The following KCNH1 variants were observed in gnomAD, a reference collection of about 807,000 sequenced individuals.
KCNH1 encodes the protein voltage-gated delayed rectifier potassium channel KCNH1.
Under a neutral mutation model 69.2 loss-of-function variants are expected in KCNH1, and 27 were observed. That is an observed-to-expected ratio of 0.39 (90% CI 0.29 to 0.54). KCNH1 has a LOEUF of 0.54. Among genes scored for constraint, KCNH1 ranks in the 20% least tolerant of loss-of-function variants. The probability of loss-of-function intolerance (pLI) is 0.68; values close to 1 mark genes in which losing one functional copy is unlikely to be tolerated. For missense variants in KCNH1, 798 were observed against 1,261.6 expected, an observed-to-expected ratio of 0.63 and a Z score of 5.57; for synonymous variants, 456 against 487.7, an observed-to-expected ratio of 0.93 and a Z score of 0.86.
intron 8 of KCNH1, among the ~76,000 whole-genome samples, chr1:210,798,636 G>A (rs1004522249): frequency 3.3e-5 from 5 of 152,040 alleles, no homozygotes; most frequent in African/African-American, 1.2e-4. Flanking sequence ...AAGCTACAGA[G>A]CGATGTTAGA....
chr1:210,823,650 G>A (rs1414544184), intron 7 of KCNH1, among the ~76,000 whole-genome samples: 3 of 152,148 alleles, frequency 2.0e-5, no homozygotes, highest in Admixed American at 2.0e-4. Flanking sequence ...TTTTAAGAGA[G>A]ATTATGTCAT....
chr1:211,075,826 G>C (rs1690722235), intron 5 of KCNH1, among the ~76,000 whole-genome samples: 1 of 152,216 alleles, frequency 6.6e-6, no homozygotes, highest in South Asian at 2.1e-4. Context: ...CCCTTTCCTA[G>C]CCAAGGGAAG....
chr1:210,841,958 C>T (rs1259359255), intron 7 of KCNH1, among the ~76,000 whole-genome samples: 1 of 152,118 alleles, frequency 6.6e-6, no homozygotes, highest in Non-Finnish European at 1.5e-5. Context: ...TTCTGACAAG[C>T]AGGTTTTTAA....
chr1:210,859,000 T>C (rs1237600148), intron 7 of KCNH1: 1 of 439,990 alleles, frequency 2.3e-6, no homozygotes, highest in African/African-American at 2.0e-5. Flanking sequence ...TCTTTTCCAG[T>C]GCCAGGTTGC....
chr1:210,892,745 T>C (rs181801169), intron 7 of KCNH1, among the ~76,000 whole-genome samples: 1 of 152,176 alleles, frequency 6.6e-6, no homozygotes, highest in Non-Finnish European at 1.5e-5. Context: ...AAGTCTTAAT[T>C]GGTCTTGCCT....
At chr1:210,851,246 C>G (rs1685697532) in intron 7 of KCNH1, among the ~76,000 whole-genome samples, 1 of 152,234 alleles carries the variant, frequency 6.6e-6, no homozygotes, top group Admixed American at 6.5e-5. Context: ...TTGTCTCCCT[C>G]AAAGTGTTCT....
chr1:210,988,083 A>T (rs538105493), intron 6 of KCNH1, among the ~76,000 whole-genome samples: 3 of 152,358 alleles, frequency 2.0e-5, no homozygotes, highest in Admixed American at 6.5e-5. Context: ...CCTCTGAGCC[A>T]GGTGCAGGAT....
chr1:210,784,273 A>C (rs1684049847), intron 9 of KCNH1, among the ~76,000 whole-genome samples: 3 of 152,236 alleles, frequency 2.0e-5, no homozygotes, highest in Admixed American at 2.0e-4. Flanking sequence ...GCCATCTCTT[A>C]TCTGTAGTAA....
At chr1:211,005,338 G>A (rs573903553) in intron 6 of KCNH1, among the ~76,000 whole-genome samples, 2 of 152,160 alleles carry the variant, frequency 1.3e-5, no homozygotes, top group Admixed American at 6.5e-5. Flanking sequence ...AAATATTTAA[G>A]GGAGAAATAA....
intron 6 of KCNH1, among the ~76,000 whole-genome samples, chr1:210,986,620 C>T (rs1688840952): frequency 6.6e-6 from 1 of 152,222 alleles, no homozygotes; most frequent in Non-Finnish European, 1.5e-5. Context: ...CCCCCACTCT[C>T]TTCTGGCTTG....
intron 6 of KCNH1, among the ~76,000 whole-genome samples, chr1:210,971,837 A>G (rs754970173): frequency 2.3e-4 from 35 of 152,210 alleles, no homozygotes; most frequent in Admixed American, 4.6e-4. Context: ...CTTCATACTT[A>G]AAGATATATA....
chr1:210,766,263 C>T (rs892431280), intron 10 of KCNH1, among the ~76,000 whole-genome samples: 5 of 151,222 alleles, frequency 3.3e-5, no homozygotes, highest in East Asian at 2.0e-4. Context: ...GGGTAGTTCC[C>T]GCCTGTAATC....
At chr1:210,729,137 A>G (rs1682681262) in intron 10 of KCNH1, among the ~76,000 whole-genome samples, 2 of 152,358 alleles carry the variant, frequency 1.3e-5, no homozygotes, top group South Asian at 4.1e-4. Flanking sequence ...CCTTCAAGCC[A>G]TTCTGCATTT....
At chr1:210,952,730 C>T (rs1344777121) in intron 6 of KCNH1, among the ~76,000 whole-genome samples, 1 of 151,968 alleles carries the variant, frequency 6.6e-6, no homozygotes, top group Non-Finnish European at 1.5e-5. Context: ...GTTCTTACTG[C>T]AAATTAATGG....
chr1:210,922,452 A>T (rs1338456024), intron 6 of KCNH1, among the ~76,000 whole-genome samples: 2 of 151,118 alleles, frequency 1.3e-5, no homozygotes, highest in Non-Finnish European at 2.9e-5. Context: ...AAAACGTTCA[A>T]CAGAAATGAT....
At chr1:210,959,187 G>C (rs1688248153) in intron 6 of KCNH1, among the ~76,000 whole-genome samples, 1 of 152,114 alleles carries the variant, frequency 6.6e-6, no homozygotes, top group South Asian at 2.1e-4. Flanking sequence ...CTGCAGGTCT[G>C]TTGGAGCTTG....
intron 5 of KCNH1, among the ~76,000 whole-genome samples, chr1:211,056,691 C>T (rs1690315963): frequency 6.6e-6 from 1 of 152,100 alleles, no homozygotes; most frequent in African/African-American, 2.4e-5. Flanking sequence ...TAGCTCGGCA[C>T]AGAAAGAGAC....
intron 7 of KCNH1, among the ~76,000 whole-genome samples, chr1:210,814,991 G>A (rs1466022733): frequency 6.6e-6 from 1 of 152,172 alleles, no homozygotes; most frequent in Non-Finnish European, 1.5e-5. Flanking sequence ...AGCTACTGAA[G>A]AGACTGTCTC....
At chr1:211,117,737 G>A (rs569781528) in intron 1 of KCNH1, among the ~76,000 whole-genome samples, 1 of 152,334 alleles carries the variant, frequency 6.6e-6, no homozygotes, top group Admixed American at 6.5e-5. Context: ...TGTCCCTAAT[G>A]AGCTGTAGGT....
Sources: gnomAD v4.1 joint callset for allele counts (sites outside exome capture counted in the v4.1 genomes callset) on GRCh38, gnomAD v4.1.1 for gene constraint, MANE v1.5 for transcripts, NCBI Gene and HGNC (gene_info 2026-07-23, HGNC 2026-07-21) for gene names.